The following EPHB1 variants were observed in gnomAD, a reference collection of about 807,000 sequenced individuals.
EPHB1 encodes ephrin type-B receptor 1.
Under a neutral mutation model 94.4 loss-of-function variants are expected in EPHB1, and 30 were observed. The ratio of observed to expected loss-of-function variants is 0.32; its 90% confidence interval spans 0.24 to 0.43. EPHB1 has a LOEUF of 0.43. Ranked by LOEUF, EPHB1 falls within the 20% of genes least tolerant of loss-of-function variation. The pLI, the probability that EPHB1 is intolerant of heterozygous loss-of-function variation, is 1.00. For missense variants in EPHB1, 1,055 were observed against 1,308.3 expected, an observed-to-expected ratio of 0.81 and a Z score of 2.99; for synonymous variants, 522 against 489.1, an observed-to-expected ratio of 1.07 and a Z score of -0.89.
chr3:135,096,715 G>A (rs76432586), intron 3 of EPHB1, among the ~76,000 whole-genome samples: 1,580 of 152,242 alleles, frequency 0.01, 21 homozygotes, highest in African/African-American at 0.036. Context: ...AAGCTCTCTC[G>A]TATTTCTTCT....
intron 2 of EPHB1, among the ~76,000 whole-genome samples, chr3:134,948,601 CT>C (rs2039260861): frequency 6.6e-6 from 1 of 152,262 alleles, no homozygotes; most frequent in Admixed American, 6.5e-5. Context: ...CCAGGTGAGG[CT>C]CGACAGTGTG....
At chr3:135,200,613 G>A (rs1202336286) in intron 11 of EPHB1, among the ~76,000 whole-genome samples, 1 of 152,138 alleles carries the variant, frequency 6.6e-6, no homozygotes, top group Non-Finnish European at 1.5e-5. Flanking sequence ...AAAGTTTACA[G>A]CACTGATAAT....
intron 3 of EPHB1, among the ~76,000 whole-genome samples, chr3:134,988,886 A>G (rs1278361674): frequency 1.3e-5 from 2 of 152,228 alleles, no homozygotes; most frequent in Non-Finnish European, 2.9e-5. Flanking sequence ...AGTAGAAGGC[A>G]GAACAGGAGA....
chr3:134,801,686 A>G (rs2035938105), intron 1 of EPHB1, among the ~76,000 whole-genome samples: 1 of 152,244 alleles, frequency 6.6e-6, no homozygotes, highest in Admixed American at 6.5e-5. Flanking sequence ...ATTTAAAAGC[A>G]AAATTTTGCA....
chr3:135,102,799 A>G (rs1431773824), intron 3 of EPHB1, among the ~76,000 whole-genome samples: 2 of 152,242 alleles, frequency 1.3e-5, no homozygotes, highest in African/African-American at 2.4e-5. Flanking sequence ...TTGCAGCCAT[A>G]AAAAGAATGA....
intron 5 of EPHB1, among the ~76,000 whole-genome samples, chr3:135,143,991 A>G (rs566401097): frequency 6.6e-6 from 1 of 152,236 alleles, no homozygotes; most frequent in Admixed American, 6.5e-5. Flanking sequence ...CACTTCCACC[A>G]TAGGTGGGGA....
intron 1 of EPHB1, among the ~76,000 whole-genome samples, chr3:134,861,019 G>T (rs1046685526): frequency 6.6e-6 from 1 of 152,134 alleles, no homozygotes; most frequent in Non-Finnish European, 1.5e-5. Flanking sequence ...CCTGGATATG[G>T]AAGATGCAGT....
intron 1 of EPHB1, among the ~76,000 whole-genome samples, chr3:134,860,137 AAG>A (rs1173000373): frequency 2.7e-5 from 4 of 149,490 alleles, no homozygotes; most frequent in Non-Finnish European, 5.9e-5. Flanking sequence ...GCTGTAACAA[AAG>A]AGAAGGAAGG....
At position 134,807,524 on chromosome 3, in the gene EPHB1, T is replaced by TGC. The variant is rs1553852687; in HGVS notation, c.58+11836_58+11837dup. On this transcript the variant is annotated intron_variant, in intron 1 of 15. Transcript: ENST00000398015. ...GTGTGTGTGTGTGTGTGTGTGTGTG[T>TGC]GCACGTGTGTGTGTGTGAGAGAGAG... Among the ~76,000 whole-genome samples the TGC allele has an allele frequency of 3.7e-3, 479 of 130,380 alleles. 2 individuals are homozygous for TGC. The highest frequency in any genetic ancestry group is 5.2e-3 in the South Asian group (21 of 4,072). The allele number at this position is 130,380 out of a possible 152,430, so 85.5% of individuals were successfully genotyped here.
At chr3:135,122,305 T>G (rs1940000665) in intron 4 of EPHB1, among the ~76,000 whole-genome samples, 1 of 152,204 alleles carries the variant, frequency 6.6e-6, no homozygotes, top group East Asian at 1.9e-4. Context: ...CAGTTTTTTC[T>G]TTGAGTCCAG....
chr3:134,797,015 G>A (rs2035842939), intron 1 of EPHB1, among the ~76,000 whole-genome samples: 1 of 152,356 alleles, frequency 6.6e-6, no homozygotes, highest in East Asian at 1.9e-4. Flanking sequence ...GGGGCATTCC[G>A]GGCCCTGAGG....
chr3:135,093,988 G>C (rs1262925190), intron 3 of EPHB1, among the ~76,000 whole-genome samples: 4 of 151,984 alleles, frequency 2.6e-5, no homozygotes, highest in Non-Finnish European at 5.9e-5. Context: ...CTTATTTTAG[G>C]GCTTTTAAGC....
At chr3:134,809,473 A>G (rs1368451115) in intron 1 of EPHB1, among the ~76,000 whole-genome samples, 1 of 151,932 alleles carries the variant, frequency 6.6e-6, no homozygotes, top group Non-Finnish European at 1.5e-5. Flanking sequence ...CCTTTCACTC[A>G]CCTGACTAAC....
At chr3:135,178,522 T>C (rs1942057125) in intron 9 of EPHB1, among the ~76,000 whole-genome samples, 1 of 151,924 alleles carries the variant, frequency 6.6e-6, no homozygotes, top group Non-Finnish European at 1.5e-5. Flanking sequence ...TCCTTTGGAT[T>C]ACACTCTAGT....
intron 1 of EPHB1, among the ~76,000 whole-genome samples, chr3:134,902,141 A>C (rs1425389745): frequency 6.6e-6 from 1 of 152,222 alleles, no homozygotes; most frequent in Non-Finnish European, 1.5e-5. Context: ...GGTGCAAGAA[A>C]GGGGGCGAGA....
rs372926093 is a variant in EPHB1, at chr3:135,108,982, A to G, written c.961+2379A>G. ...CTACTGACAGTAAGGGGAGGGGGTC[A>G]TATGAAAAGACAATGGGAGGGAACA... On this transcript the variant is annotated intron_variant, in intron 4 of 15. Coordinates refer to ENST00000398015, the MANE Select transcript of EPHB1 (RefSeq NM_004441.5). Among the ~76,000 whole-genome samples, 325 of 152,300 alleles carry G rather than the reference A, an allele frequency of 2.1e-3. 1 individual carries two copies. Among genetic ancestry groups the G allele is most frequent in the African/African-American group, 7.5e-3 (311 of 41,560 alleles).
chr3:134,919,874 G>A lies in EPHB1; in HGVS notation c.59-5942G>A, dbSNP rs145916642. ...TGTGTGTGTGTGTGTGTATGCATGC[G>A]CCTGTGTGTGTGCTCATACACAAAT... is the stretch of plus-strand genomic sequence containing the variant. On this transcript the variant is annotated intron_variant, in intron 1 of 15. Coordinates refer to ENST00000398015, the MANE Select transcript of EPHB1 (RefSeq NM_004441.5). Among the ~76,000 whole-genome samples, 671 of 151,452 alleles carry A rather than the reference G, an allele frequency of 4.4e-3. 5 individuals are homozygous for A. The highest frequency in any genetic ancestry group is 0.016 in the African/African-American group (642 of 40,956).
intron 1 of EPHB1, among the ~76,000 whole-genome samples, chr3:134,849,646 C>T (rs918186216): frequency 6.6e-5 from 10 of 152,076 alleles, no homozygotes; most frequent in Admixed American, 3.9e-4. Flanking sequence ...AGCAAGCACC[C>T]GAGGACAGAG....
chr3:134,946,313 T>C (rs2039216383), intron 2 of EPHB1, among the ~76,000 whole-genome samples: 1 of 152,192 alleles, frequency 6.6e-6, no homozygotes. Context: ...ACACTCAGGA[T>C]GAAGTTCAAA....
Sources: gnomAD v4.1 joint callset for allele counts (sites outside exome capture counted in the v4.1 genomes callset) on GRCh38, gnomAD v4.1.1 for gene constraint, MANE v1.5 for transcripts, NCBI Gene and HGNC (gene_info 2026-07-23, HGNC 2026-07-21) for gene names.